The following ZNF292 variants were observed in gnomAD, a reference collection of about 807,000 sequenced individuals.
ZNF292 encodes 16 zinc-finger domain protein.
ZNF292 carries 26 observed loss-of-function variants against 217.9 expected under a neutral mutation model. That is an observed-to-expected ratio of 0.12 (90% confidence interval 0.09 to 0.17). The LOEUF is 0.17. Among genes scored for constraint, ZNF292 ranks in the 10% least tolerant of loss-of-function variants. The probability of loss-of-function intolerance (pLI) is 1.00; values close to 1 mark genes in which losing one functional copy is unlikely to be tolerated. For synonymous variants in ZNF292, 1,257 were observed against 1,124.1 expected (o/e 1.12, Z -2.37); for missense variants, 2,904 against 3,175.2 (o/e 0.91, Z 2.05).
At position 87,258,839 on chromosome 6, in the gene ZNF292, C is replaced by G. The variant is rs750068916; in HGVS notation, c.5210C>G (p.Thr1737Arg). Residue 1737 changes from threonine to arginine, a missense_variant, in exon 8 of 8, where the codon ACA becomes AGA. Thr to Arg is a moderately conservative substitution (Grantham distance 71). Around this residue, in one of 15 missense-constraint regions of ZNF292, gnomAD observed 622 missense variants for 573.1 expected, o/e 1.09. Coordinates refer to ENST00000369577, the MANE Select transcript of ZNF292 (RefSeq NM_015021.3). ...CAAATGATGGCTTTGAATTCATGCA[C>G]AACTTCAATAAATTCTGATTTGCAG... ...DSQMMALNSCTTSINSDLQIS... is the reference protein window; with the variant it reads ...DSQMMALNSCRTSINSDLQIS... 1.2e-6 allele frequency: 2 copies of G among 1,611,736 alleles called. No homozygotes were observed. The highest frequency in any genetic ancestry group is 4.5e-5 in the East Asian group (2 of 44,826).
At chr6:87,198,495 C>T in intron 1 of ZNF292, among the ~76,000 whole-genome samples, 1 of 152,178 alleles carries the variant, frequency 6.6e-6, no homozygotes, top group East Asian at 1.9e-4. Flanking sequence ...TGAGGAGCCA[C>T]GCCCGGCCCA....
intron 1 of ZNF292, among the ~76,000 whole-genome samples, chr6:87,170,578 AATT>A (rs1487810792): frequency 3.3e-5 from 5 of 152,216 alleles, no homozygotes; most frequent in Non-Finnish European, 5.9e-5. Context: ...CCTAAGGAGA[AATT>A]ATTTTCAACA....
At chr6:87,162,097 T>C (rs967593779) in intron 1 of ZNF292, among the ~76,000 whole-genome samples, 1 of 152,206 alleles carries the variant, frequency 6.6e-6, no homozygotes, top group Non-Finnish European at 1.5e-5. Flanking sequence ...TAATTTTATG[T>C]ATAGCAACTT....
At chr6:87,170,508 C>T (rs1771064800) in intron 1 of ZNF292, 1 of 152,068 alleles carries the variant, frequency 6.6e-6, no homozygotes, top group African/African-American at 2.4e-5. Context: ...TCAGTATATC[C>T]AGTATTGTGA....
chr6:87,184,534 T>C (rs1357653086), intron 1 of ZNF292, among the ~76,000 whole-genome samples: 6 of 143,022 alleles, frequency 4.2e-5, no homozygotes, highest in Non-Finnish European at 9.0e-5. Context: ...TTGTAAGGAA[T>C]ACAATAAGAA....
intron 1 of ZNF292, among the ~76,000 whole-genome samples, chr6:87,175,264 T>G (rs191889793): frequency 6.6e-6 from 1 of 152,336 alleles, no homozygotes; most frequent in Non-Finnish European, 1.5e-5. Context: ...TTGCCAGACT[T>G]CTTGGAAAGG....
At chr6:87,178,267 A>C (rs7767449) in intron 1 of ZNF292, among the ~76,000 whole-genome samples, 95,281 of 152,028 alleles carry the variant, frequency 0.63, 31,348 homozygotes, top group African/African-American at 0.83. Flanking sequence ...AAAAGAGGGA[A>C]CATGCCTAGT....
intron 1 of ZNF292, among the ~76,000 whole-genome samples, chr6:87,211,501 C>T (rs1772484424): frequency 6.6e-6 from 1 of 152,036 alleles, no homozygotes; most frequent in Non-Finnish European, 1.5e-5. Flanking sequence ...GATTTGAATC[C>T]CTTCTCTGCC....
intron 5 of ZNF292, among the ~76,000 whole-genome samples, chr6:87,237,396 C>T (rs1265373399): frequency 6.6e-6 from 1 of 152,130 alleles, no homozygotes; most frequent in African/African-American, 2.4e-5. Context: ...TGCACGCCGC[C>T]ATGCCTGGCT....
intron 1 of ZNF292, chr6:87,174,289 AT>A (rs1554195117): frequency 2.0e-5 from 3 of 151,718 alleles, no homozygotes; most frequent in African/African-American, 7.3e-5. Flanking sequence ...CAGCCGTGTG[AT>A]TTGTCCAAGA....
rs373815099 is a variant in ZNF292, at chr6:87,259,929, A to G, written c.6300A>G (p.Gln2100=). The part of the protein sequence containing the change: ...EEKKRKKPVS[Q]SLEFPTRYSP... Reference sequence around the variant, plus strand: ...AAAAACGAAAGAAGCCAGTTTCCCAATCCCTTGAGTTTCCAACAAGATACA... The same window carrying G: ...AAAAACGAAAGAAGCCAGTTTCCCAGTCCCTTGAGTTTCCAACAAGATACA... Residue 2100 remains glutamine (Q), a synonymous_variant, in exon 8 of 8, where the codon CAA becomes CAG. Coordinates refer to ENST00000369577, the MANE Select transcript of ZNF292 (RefSeq NM_015021.3). The G allele has an allele frequency of 5.0e-5, 80 of 1,613,540 alleles. No individual in the cohort carries two copies. Among genetic ancestry groups the G allele is most frequent in the South Asian group, 9.9e-5 (9 of 91,084 alleles).
rs1346942258 is a variant in ZNF292, at chr6:87,265,743, A to G, written c.*3942A>G. Among the ~76,000 whole-genome samples, 1 of 152,212 alleles carries G rather than the reference A, an allele frequency of 6.6e-6. No homozygotes were observed. The highest frequency in any genetic ancestry group is 1.5e-5 in the Non-Finnish European group (1 of 68,038). Reference sequence around the variant, plus strand: ...TTTATTCAACCAGGACTGATAATCAACGTGTACACCAATTCAATTGTATCA... The same window carrying G: ...TTTATTCAACCAGGACTGATAATCAGCGTGTACACCAATTCAATTGTATCA... On this transcript the variant is annotated 3_prime_UTR_variant, in exon 8 of 8. Coordinates refer to ENST00000369577, the MANE Select transcript of ZNF292 (RefSeq NM_015021.3).
At chr6:87,238,668 C>A (rs1193550769) in intron 5 of ZNF292, among the ~76,000 whole-genome samples, 3 of 128,876 alleles carry the variant, frequency 2.3e-5, no homozygotes, top group Non-Finnish European at 5.0e-5. Context: ...TTTTTTATTT[C>A]TTTTTGGTTT....
intron 1 of ZNF292, among the ~76,000 whole-genome samples, chr6:87,197,679 C>G (rs1262648957): frequency 7.0e-6 from 1 of 141,882 alleles, no homozygotes; most frequent in Admixed American, 7.4e-5. Flanking sequence ...GGAGGTCATG[C>G]CACTGCACTC....
chr6:87,193,383 A>G (rs1375787962), intron 1 of ZNF292, among the ~76,000 whole-genome samples: 1 of 152,082 alleles, frequency 6.6e-6, no homozygotes, highest in Admixed American at 6.5e-5. Flanking sequence ...ATTTCTATCA[A>G]AAATTCAAAA....
intron 1 of ZNF292, among the ~76,000 whole-genome samples, chr6:87,207,339 G>A (rs778189842): frequency 2.6e-5 from 4 of 152,084 alleles, no homozygotes; most frequent in Admixed American, 6.6e-5. Flanking sequence ...TGCATCCTAC[G>A]AATTTTGATA....
At chr6:87,191,643 C>T (rs935606564) in intron 1 of ZNF292, among the ~76,000 whole-genome samples, 1 of 152,116 alleles carries the variant, frequency 6.6e-6, no homozygotes, top group Non-Finnish European at 1.5e-5. Context: ...TTTATAATTA[C>T]AATCATGTCT....
At chr6:87,243,423 T>C in intron 5 of ZNF292, 52 bp from the exon 6 acceptor site, 1 of 1,463,938 alleles carries the variant, frequency 6.8e-7, no homozygotes, top group Non-Finnish European at 9.1e-7. Flanking sequence ...TATTGCTCTA[T>C]ATTCTAATAT....
chr6:87,258,681 A>C lies in ZNF292; in HGVS notation c.5052A>C (p.Glu1684Asp), dbSNP rs566103829. 9 of 1,613,514 alleles carry C rather than the reference A, an allele frequency of 5.6e-6. No homozygotes were observed. In the South Asian group the frequency reaches 8.8e-5, roughly 16 times the overall value. The change falls in exon 8 of 8, where the codon GAA becomes GAC. Residue 1684 changes from glutamate (E) to aspartate (D), a missense_variant. Around this residue, in one of 15 missense-constraint regions of ZNF292, gnomAD observed 622 missense variants for 573.1 expected, o/e 1.09. Transcript: ENST00000369577. Reference sequence around the variant, plus strand: ...CTTGTGAACCTCAGAGTTTGGTGGAAAATCTAACACAGAAATTAAATAATG... The same window carrying C: ...CTTGTGAACCTCAGAGTTTGGTGGACAATCTAACACAGAAATTAAATAATG... Reference protein sequence around the residue: ...IPTCEPQSLVENLTQKLNNVN... With the variant: ...IPTCEPQSLVDNLTQKLNNVN...
Sources: allele counts gnomAD v4.1 joint callset (sites outside exome capture counted in the v4.1 genomes callset), GRCh38; gene constraint gnomAD v4.1.1; regional missense constraint gnomAD v4.1.1; transcripts MANE v1.5; gene names NCBI Gene and HGNC (gene_info 2026-07-23, HGNC 2026-07-21).